Variants in CCAR2 observed in about 807,000 individuals in gnomAD.
The protein encoded by CCAR2 is cell cycle and apoptosis regulator protein 2.
A neutral mutation model predicts 108.1 loss-of-function variants in CCAR2; 21 were observed. That is an observed-to-expected ratio of 0.19 (90% confidence interval 0.14 to 0.28). The LOEUF is 0.28. Ranked by LOEUF, CCAR2 falls within the 10% of genes least tolerant of loss-of-function variation. CCAR2 has a pLI of 1.00. For missense variants in CCAR2, 1,126 were observed against 1,177.0 expected, an observed-to-expected ratio of 0.96 and a Z score of 0.63; for synonymous variants, 577 against 472.8, an observed-to-expected ratio of 1.22 and a Z score of -2.86.
rs1000053184 is a variant in CCAR2, at chr8:22,619,963, C to T, written c.*281C>T. Reference sequence around the variant, plus strand: ...CTCAACCTTGGTATTTCTCCTGGGGCCCTTTTAGTCTTGTGCTGACTTTCT... The same window carrying T: ...CTCAACCTTGGTATTTCTCCTGGGGTCCTTTTAGTCTTGTGCTGACTTTCT... On this transcript the variant is annotated 3_prime_UTR_variant, in exon 21 of 21. Coordinates refer to ENST00000308511, the MANE Select transcript of CCAR2 (RefSeq NM_001393997.1). 17 of 494,072 alleles carry T rather than the reference C, an allele frequency of 3.4e-5. No individual in the cohort carries two copies. The highest frequency in any genetic ancestry group is 5.9e-5 in the Non-Finnish European group (16 of 271,958). The allele number at this position is 494,072 out of a possible 1,614,324, so 30.6% of individuals were successfully genotyped here. A position where few individuals can be genotyped will look rare whatever the true frequency, so the allele number is the denominator to read the frequency against.
chr8:22,612,003 G>A (rs1011866883), intron 7 of CCAR2, among the ~76,000 whole-genome samples: 5 of 151,260 alleles, frequency 3.3e-5, no homozygotes, highest in African/African-American at 1.2e-4. Flanking sequence ...GGAGTGGAAT[G>A]GCGCGATCTC....
At chr8:22,606,314 A>G in intron 3 of CCAR2, 138 bp downstream of exon 3, 1 of 791,166 alleles carries the variant, frequency 1.3e-6, no homozygotes, top group South Asian at 1.6e-5. Flanking sequence ...GGGGTTGCCC[A>G]GATAGCCTTC....
intron 9 of CCAR2, 24 bp from the exon 10 acceptor site, chr8:22,614,366 C>T (rs200003840): frequency 2.3e-5 from 37 of 1,613,614 alleles, no homozygotes; most frequent in Non-Finnish European, 3.0e-5. Flanking sequence ...CTGAAGGCAG[C>T]TCTGAGTGTC....
chr8:22,614,347 T>A (rs1801411457), intron 9 of CCAR2, 33 bp downstream of exon 9: 1 of 1,613,808 alleles, frequency 6.2e-7, no homozygotes, highest in Admixed American at 1.7e-5. Context: ...CTTATCTGAT[T>A]TCTGGAGGCT....
At chr8:22,621,486 C>T (rs774303843), downstream of CCAR2, 17 of 1,613,820 alleles carry the variant, frequency 1.1e-5, no homozygotes, top group African/African-American at 2.7e-5. Context: ...CTCCCGCTCC[C>T]GCTGCTCATC....
intron 11 of CCAR2, 194 bp downstream of exon 11, chr8:22,615,195 TC>T: frequency 3.4e-6 from 3 of 879,500 alleles, no homozygotes; most frequent in Non-Finnish European, 5.1e-6. Context: ...CACTTGAGAC[TC>T]CCTGGAGTTG....
At chr8:22,621,120 G>A, downstream of CCAR2, 1 of 332,052 alleles carries the variant, frequency 3.0e-6, no homozygotes. Context: ...GAAGCCCATG[G>A]CCTCAGAAGG....
rs748473043 is a variant in CCAR2, at chr8:22,606,081, A to G, written c.59-4A>G. 3.1e-6 allele frequency: 5 copies of G among 1,613,086 alleles called. No individual in the cohort carries two copies. The Admixed American group carries it at 6.7e-5, about 22-fold the overall frequency. On this transcript the variant is annotated splice_polypyrimidine_tract_variant and splice_region_variant and intron_variant, in intron 2 of 20. Coordinates refer to ENST00000308511, the MANE Select transcript of CCAR2 (RefSeq NM_001393997.1). Reference sequence around the variant, plus strand: ...TCCTGGAGATTGCTTCTCTTTCCCCATAGGCACAGCTTCAACATCTCTTCT... The same window carrying G: ...TCCTGGAGATTGCTTCTCTTTCCCCGTAGGCACAGCTTCAACATCTCTTCT...
chr8:22,616,654 A>C (rs1026773067), intron 14 of CCAR2: 2 of 186,656 alleles, frequency 1.1e-5, no homozygotes, highest in Admixed American at 1.1e-4. Context: ...CGTCTCTACT[A>C]AAAATACAAA....
chr8:22,618,536 G>A, intron 17 of CCAR2, 41 bp downstream of exon 17: 1 of 1,614,128 alleles, frequency 6.2e-7, no homozygotes, highest in South Asian at 1.1e-5. Flanking sequence ...GCACAGGCCT[G>A]CACTTACTCC....
At chr8:22,619,419 A>T in intron 20 of CCAR2, 64 bp downstream of exon 20, 1 of 1,527,560 alleles carries the variant, frequency 6.5e-7, no homozygotes, top group Middle Eastern at 1.7e-4. Context: ...AGTCCCCAGA[A>T]GGGCGCTTGC....
rs868103682 is a variant in CCAR2 at position 22,619,572 on chromosome 8, C to T, written c.2728-66C>T. 120 of 1,382,134 alleles carry T rather than the reference C, an allele frequency of 8.7e-5. 2 individuals carry two copies. In the East Asian group the frequency reaches 1.3e-3, roughly 15 times the overall value. 85.6% of individuals were successfully genotyped at this position (1,382,134 alleles called of 1,614,324 possible). ...GGGAGCTTCCCAGCAGGAGGCAGTC[C>T]GCAGTCCGCAGTCCTCAGATCACCT... On this transcript the variant is annotated intron_variant, in intron 20 of 20. Coordinates refer to ENST00000308511, the MANE Select transcript of CCAR2 (RefSeq NM_001393997.1).
Position 22,607,877 on chromosome 8 carries a change from T to C in CCAR2, c.488-92T>C, listed in dbSNP as rs1801138570. On this transcript the variant is annotated intron_variant, in intron 6 of 20. Coordinates refer to ENST00000308511, the MANE Select transcript of CCAR2 (RefSeq NM_001393997.1). ...CTGACCTCAAGTGATCCATCTGCAC[T>C]GTCCTCTCAAAGTGCTGGGATTACA... 1.8e-5 allele frequency: 18 copies of C among 984,772 alleles called. 1 individual carries two copies. In the South Asian group the frequency reaches 2.3e-4, roughly 13 times the overall value. The allele number at this position is 984,772 out of a possible 1,614,324, so 61.0% of individuals were successfully genotyped here.
chr8:22,605,579 C>T lies in CCAR2; in HGVS notation c.-38-157C>T, dbSNP rs776833470. 4.9e-5 allele frequency: 29 copies of T among 588,028 alleles called. No individual in the cohort carries two copies. The Middle Eastern group carries it at 1.3e-3, about 27-fold the overall frequency. 36.4% of individuals were successfully genotyped at this position (588,028 alleles called of 1,614,324 possible). On this transcript the variant is annotated intron_variant, in intron 1 of 20. Coordinates refer to ENST00000308511, the MANE Select transcript of CCAR2 (RefSeq NM_001393997.1). ...AACAATGTAATTTCTTGTTTCATTT[C>T]TTTCTTCTCTATATTCTCTCCATCC... is the stretch of plus-strand genomic sequence containing the variant.
chr8:22,619,589 A>G (rs1801676526), intron 20 of CCAR2, 49 bp from the exon 21 acceptor site: 1 of 1,549,354 alleles, frequency 6.5e-7, no homozygotes, highest in Non-Finnish European at 8.7e-7. Context: ...CGCAGTCCTC[A>G]GATCACCTTG....
At position 22,616,140 on chromosome 8, in the gene CCAR2, C is replaced by T; in HGVS notation, c.1737C>T (p.Ala579=). ...SPPEPEKEEA[A]KEEATKEEEA... ...CTGAACCTGAGAAGGAGGAGGCGGC[C>T]AAGGAAGAAGCCACCAAGGAGGAAG... Residue 579 remains alanine (A), a synonymous_variant, in exon 14 of 21, where the codon GCC becomes GCT. Coordinates refer to ENST00000308511, the MANE Select transcript of CCAR2 (RefSeq NM_001393997.1). The T allele has an allele frequency of 1.2e-6, 2 of 1,613,612 alleles. No homozygotes were observed. The highest frequency in any genetic ancestry group is 8.5e-7 in the Non-Finnish European group (1 of 1,179,832).
rs1433338408 is a variant in CCAR2 at position 22,619,430 on chromosome 8, C to T, written c.2727+75C>T. ...CAAAAGTCCCCAGAAGGGCGCTTGC[C>T]CGTGTCGGGAGTGACCAGAGGGCCA... On this transcript the variant is annotated intron_variant, in intron 20 of 20. Transcript: ENST00000308511. The T allele has an allele frequency of 2.6e-6, 4 of 1,513,510 alleles. No homozygotes were observed. In the East Asian group the frequency reaches 9.9e-5, roughly 37 times the overall value. The allele number at this position is 1,513,510 out of a possible 1,614,324, so 93.8% of individuals were successfully genotyped here.
chr8:22,615,174 C>A, intron 11 of CCAR2, 173 bp downstream of exon 11: 1 of 982,808 alleles, frequency 1.0e-6, no homozygotes, highest in Non-Finnish European at 1.5e-6. Context: ...TCTGGCTGAG[C>A]CACCAGGCTG....
intron 16 of CCAR2, 127 bp from the exon 17 acceptor site, chr8:22,618,222 C>T: frequency 7.9e-7 from 1 of 1,267,324 alleles, no homozygotes; most frequent in South Asian, 1.3e-5. Flanking sequence ...TCCCCAGCAG[C>T]TGGGACTTCA....
Sources: allele counts gnomAD v4.1 joint callset (sites outside exome capture counted in the v4.1 genomes callset), GRCh38; gene constraint gnomAD v4.1.1; transcripts MANE v1.5; gene names NCBI Gene and HGNC (gene_info 2026-07-23, HGNC 2026-07-21).